Variants in CNTN4 observed in about 807,000 individuals in gnomAD.
CNTN4 encodes the protein contactin 4.
Under a neutral mutation model 122.5 loss-of-function variants are expected in CNTN4, and 77 were observed. The ratio of observed to expected loss-of-function variants is 0.63; its 90% confidence interval spans 0.52 to 0.76. The LOEUF is 0.76. Among genes scored for constraint, CNTN4 ranks in the 30% least tolerant of loss-of-function variants. The pLI is 0.00. For synonymous variants in CNTN4, 512 were observed against 447.0 expected (o/e 1.15, Z -1.83); for missense variants, 1,256 against 1,259.1 (o/e 1.00, Z 0.04).
chr3:2,170,244 C>CG (rs1450574468), intron 2 of CNTN4, among the ~76,000 whole-genome samples: 4 of 151,790 alleles, frequency 2.6e-5, no homozygotes, highest in Admixed American at 2.0e-4. Flanking sequence ...GGCGGGAACC[C>CG]GGGAGGCGGA....
At chr3:3,044,504 G>A (rs761161120) in intron 23 of CNTN4, among the ~76,000 whole-genome samples, 13 of 152,150 alleles carry the variant, frequency 8.5e-5, no homozygotes, top group African/African-American at 2.7e-4. Context: ...CTTTCCCCAC[G>A]GATAACCTGG....
intron 10 of CNTN4, among the ~76,000 whole-genome samples, chr3:2,890,790 A>T (rs2094030291): frequency 6.6e-6 from 1 of 152,150 alleles, no homozygotes; most frequent in African/African-American, 2.4e-5. Flanking sequence ...AAGTTCAGAG[A>T]TAGAACATTT....
intron 6 of CNTN4, among the ~76,000 whole-genome samples, chr3:2,753,930 T>G (rs1301073007): frequency 6.6e-6 from 1 of 152,360 alleles, no homozygotes; most frequent in East Asian, 1.9e-4. Flanking sequence ...GGTTTTATAA[T>G]GAGAATAATT....
At chr3:2,365,034 T>G (rs1485978908) in intron 3 of CNTN4, among the ~76,000 whole-genome samples, 1 of 152,212 alleles carries the variant, frequency 6.6e-6, no homozygotes, top group Non-Finnish European at 1.5e-5. Context: ...GTATTTCACC[T>G]GGTAACTTAA....
chr3:3,038,209 C>T (rs1465819130), intron 18 of CNTN4, among the ~76,000 whole-genome samples: 1 of 152,118 alleles, frequency 6.6e-6, no homozygotes, highest in Non-Finnish European at 1.5e-5. Context: ...TATAGCTAGT[C>T]CCCTGCTTTC....
intron 2 of CNTN4, among the ~76,000 whole-genome samples, chr3:2,172,293 A>T (rs1185149022): frequency 6.6e-6 from 1 of 152,152 alleles, no homozygotes; most frequent in Admixed American, 6.6e-5. Context: ...AAATGAAGTA[A>T]CTCAGAAATG....
chr3:2,909,179 A>T (rs2094271636), intron 12 of CNTN4, among the ~76,000 whole-genome samples: 1 of 152,220 alleles, frequency 6.6e-6, no homozygotes, highest in African/African-American at 2.4e-5. Context: ...ATCGAATGAG[A>T]GGACACATGC....
At chr3:2,647,563 T>G (rs1300855525) in intron 4 of CNTN4, among the ~76,000 whole-genome samples, 1 of 152,138 alleles carries the variant, frequency 6.6e-6, no homozygotes, top group Non-Finnish European at 1.5e-5. Context: ...GTCATAACAT[T>G]TATATTAGGT....
chr3:2,567,162 C>T (rs1452294969), intron 3 of CNTN4, among the ~76,000 whole-genome samples: 1 of 149,930 alleles, frequency 6.7e-6, no homozygotes, highest in African/African-American at 2.5e-5. Context: ...TCTCGGCTCA[C>T]TGCAACCTCC....
intron 2 of CNTN4, among the ~76,000 whole-genome samples, chr3:2,199,314 G>T (rs145612350): frequency 6.6e-6 from 1 of 151,860 alleles, no homozygotes; most frequent in South Asian, 2.1e-4. Flanking sequence ...CATTTCTCAC[G>T]TGTACTTTTA....
At chr3:2,137,029 G>C (rs1001575352) in intron 2 of CNTN4, among the ~76,000 whole-genome samples, 1 of 152,050 alleles carries the variant, frequency 6.6e-6, no homozygotes, top group Non-Finnish European at 1.5e-5. Context: ...TTAGAATCTA[G>C]GAGAAGGAAA....
intron 4 of CNTN4, among the ~76,000 whole-genome samples, chr3:2,690,642 AG>A (rs2085685248): frequency 6.6e-6 from 1 of 152,136 alleles, no homozygotes; most frequent in Non-Finnish European, 1.5e-5. Context: ...CTTACCTCCT[AG>A]AGCAGGTTCA....
intron 3 of CNTN4, among the ~76,000 whole-genome samples, chr3:2,392,379 C>T (rs1198252567): frequency 1.3e-5 from 2 of 152,162 alleles, no homozygotes; most frequent in Non-Finnish European, 2.9e-5. Context: ...TCATATCCAT[C>T]AAATTCTGGT....
chr3:2,687,543 G>A (rs1290353606), intron 4 of CNTN4, among the ~76,000 whole-genome samples: 2 of 152,122 alleles, frequency 1.3e-5, no homozygotes, highest in East Asian at 1.9e-4. Flanking sequence ...TGCGCCTGTA[G>A]TCCCAGCTAC....
chr3:2,218,872 G>T (rs1339716164), intron 2 of CNTN4, among the ~76,000 whole-genome samples: 2 of 152,106 alleles, frequency 1.3e-5, no homozygotes, highest in Non-Finnish European at 2.9e-5. Flanking sequence ...TATCAGTTAG[G>T]ACTAAAATGT....
intron 4 of CNTN4, among the ~76,000 whole-genome samples, chr3:2,676,912 A>G (rs1232527400): frequency 6.6e-6 from 1 of 152,194 alleles, no homozygotes; most frequent in Non-Finnish European, 1.5e-5. Flanking sequence ...CCTTAATTGA[A>G]AGATGTTTGT....
chr3:2,119,577 A>G (rs987655714), intron 2 of CNTN4, among the ~76,000 whole-genome samples: 1 of 152,242 alleles, frequency 6.6e-6, no homozygotes, highest in Admixed American at 6.5e-5. Flanking sequence ...ATGGGAACAC[A>G]GAAAGTTCAA....
chr3:2,840,863 C>G (rs1388564299), intron 7 of CNTN4, among the ~76,000 whole-genome samples: 1 of 151,932 alleles, frequency 6.6e-6, no homozygotes, highest in Admixed American at 6.6e-5. Context: ...TGCTGTGTGA[C>G]CTCCCTGTGT....
At chr3:2,910,732 C>T (rs993240678) in intron 12 of CNTN4, among the ~76,000 whole-genome samples, 4 of 152,136 alleles carry the variant, frequency 2.6e-5, no homozygotes, top group African/African-American at 9.7e-5. Flanking sequence ...TTTCCCCCTC[C>T]ACCACCTTCT....
Sources: allele counts gnomAD v4.1 joint callset (sites outside exome capture counted in the v4.1 genomes callset), GRCh38; gene constraint gnomAD v4.1.1; transcripts MANE v1.5; gene names NCBI Gene and HGNC (gene_info 2026-07-23, HGNC 2026-07-21).